The following PIGN variants were observed in gnomAD, a reference collection of about 807,000 sequenced individuals.
PIGN encodes phosphatidylinositol glycan anchor biosynthesis class N, also known as GPI ethanolamine phosphate transferase 1.
In PIGN, 117 loss-of-function variants were observed where a neutral mutation model predicts 125.4. The ratio of observed to expected loss-of-function variants is 0.93; its 90% confidence interval spans 0.80 to 1.09. PIGN has a LOEUF of 1.09. Among genes scored for constraint, PIGN ranks in the 50% least tolerant of loss-of-function variants. The pLI, the probability that PIGN is intolerant of heterozygous loss-of-function variation, is 0.00. For missense variants in PIGN, 1,075 were observed against 1,094.9 expected, an observed-to-expected ratio of 0.98 and a Z score of 0.26; for synonymous variants, 392 against 377.8, an observed-to-expected ratio of 1.04 and a Z score of -0.44.
intron 23 of PIGN, among the ~76,000 whole-genome samples, chr18:62,033,130 C>A (rs2030213528): frequency 6.6e-6 from 1 of 152,186 alleles, no homozygotes; most frequent in Non-Finnish European, 1.5e-5. Context: ...CTAGTGTCTG[C>A]CCCAGCTGGG....
At chr18:62,181,600 G>A (rs185219118) in intron 1 of PIGN, among the ~76,000 whole-genome samples, 3 of 152,166 alleles carry the variant, frequency 2.0e-5, no homozygotes, top group Admixed American at 6.5e-5. Flanking sequence ...TTTGTAGAGC[G>A]GGGGTCTTGC....
intron 11 of PIGN, among the ~76,000 whole-genome samples, chr18:62,142,096 A>G (rs1426577900): frequency 1.3e-5 from 2 of 152,330 alleles, no homozygotes; most frequent in South Asian, 2.1e-4. Context: ...TACCACAGCT[A>G]TAAGTTTACA....
intron 30 of PIGN, among the ~76,000 whole-genome samples, chr18:62,071,878 A>ATATATG (rs2032883580): frequency 1.2e-4 from 8 of 66,782 alleles, no homozygotes; most frequent in African/African-American, 6.8e-4. Flanking sequence ...ATATATATAT[A>ATATATG]TATATATATA....
chr18:62,157,907 C>A, intron 4 of PIGN, 99 bp from the exon 5 acceptor site: 3 of 1,181,082 alleles, frequency 2.5e-6, no homozygotes, highest in Non-Finnish European at 2.3e-6. Flanking sequence ...GAATCAAAAG[C>A]AAAAAACTTA....
chr18:62,120,583 A>G (rs557397953), intron 14 of PIGN, among the ~76,000 whole-genome samples: 1 of 152,058 alleles, frequency 6.6e-6, no homozygotes, highest in African/African-American at 2.4e-5. Context: ...ATATATAACA[A>G]TAACATCAAA....
chr18:62,101,198 G>A lies in PIGN; in HGVS notation c.1969-15C>T. 3.5e-6 allele frequency: 5 copies of A among 1,431,152 alleles called. No individual in the cohort carries two copies. The highest frequency in any genetic ancestry group is 1.2e-5 in the South Asian group (1 of 85,456). 88.7% of individuals were successfully genotyped at this position (1,431,152 alleles called of 1,614,324 possible). A position where few individuals can be genotyped will look rare whatever the true frequency, so the allele number is the denominator to read the frequency against. On this transcript the variant is annotated splice_polypyrimidine_tract_variant and intron_variant, in intron 21 of 30. Coordinates refer to ENST00000640252, the MANE Select transcript of PIGN (RefSeq NM_176787.5). Reference sequence around the variant, plus strand: ...GTGCTCAGCACCTAAAGACAAAGATGAAATAGGTTAAAAAAAGAGAAGGTA... The same window carrying A: ...GTGCTCAGCACCTAAAGACAAAGATAAAATAGGTTAAAAAAAGAGAAGGTA...
At chr18:62,096,525 T>TTC (rs2034201996) in intron 22 of PIGN, among the ~76,000 whole-genome samples, 1 of 136,144 alleles carries the variant, frequency 7.3e-6, no homozygotes, top group Non-Finnish European at 1.6e-5. Context: ...TCTTTTTTTT[T>TTC]TTTTTTTTTT....
rs757968173 is a variant in PIGN, at chr18:62,113,233, G to T, written c.1335C>A (p.Val445=). ...ATCCCACAAAACCAATAACAACATT[G>T]ACGCCCAAAAAGAATCTGTCATATG... is the stretch of plus-strand genomic sequence containing the variant. The part of the protein sequence containing the change: ...YHTYDRFFLG[V]NVVIGFVGWI... The change falls in exon 16 of 31, where the codon GTC becomes GTA. Residue 445 remains valine (V), a synonymous_variant. Coordinates refer to ENST00000640252, the MANE Select transcript of PIGN (RefSeq NM_176787.5). 5.0e-6 allele frequency: 8 copies of T among 1,612,788 alleles called. No individual in the cohort carries two copies. Among genetic ancestry groups the T allele is most frequent in the Non-Finnish European group, 6.8e-6 (8 of 1,179,272 alleles).
At chr18:62,137,618 C>G (rs62097166) in intron 14 of PIGN, 74,153 of 152,154 alleles carry the variant, frequency 0.49, 18,336 homozygotes, top group Middle Eastern at 0.55. Context: ...TGCATTTTTA[C>G]TAGAGACGGG....
intron 23 of PIGN, 115 bp from the exon 24 acceptor site, chr18:62,090,693 C>A: frequency 3.5e-6 from 2 of 577,840 alleles, no homozygotes; most frequent in Non-Finnish European, 6.1e-6. Context: ...ACTTCTAAGT[C>A]ACAATATTAC....
At chr18:62,034,603 A>C (rs889157844) in intron 23 of PIGN, among the ~76,000 whole-genome samples, 1 of 152,126 alleles carries the variant, frequency 6.6e-6, no homozygotes, top group African/African-American at 2.4e-5. Context: ...GAGTCAAAGG[A>C]GATTATTTTG....
At chr18:62,165,139 TG>T (rs2037085839) in intron 1 of PIGN, among the ~76,000 whole-genome samples, 2 of 152,174 alleles carry the variant, frequency 1.3e-5, no homozygotes, top group Admixed American at 1.3e-4. Flanking sequence ...ATTAGCTCTC[TG>T]GGAATGGATT....
intron 1 of PIGN, chr18:62,186,356 G>A (rs1342155881): frequency 6.6e-6 from 1 of 152,254 alleles, no homozygotes; most frequent in African/African-American, 2.4e-5. Flanking sequence ...GCGTGGAGCT[G>A]ATTTTATAAC....
intron 12 of PIGN, 113 bp from the exon 13 acceptor site, chr18:62,139,188 T>C (rs562995771): frequency 7.6e-6 from 4 of 528,798 alleles, no homozygotes; most frequent in Non-Finnish European, 1.4e-5. Flanking sequence ...AAATAAATAA[T>C]TGAAATAGTT....
At chr18:62,154,309 C>T in intron 7 of PIGN, 2 of 479,962 alleles carry the variant, frequency 4.2e-6, no homozygotes, top group South Asian at 8.9e-5. Flanking sequence ...AAACGAAAAA[C>T]AGGTTTCCTA....
At chr18:62,039,716 C>G (rs2030318393), downstream of PIGN, among the ~76,000 whole-genome samples, 1 of 95,674 alleles carries the variant, frequency 1.0e-5, no homozygotes, top group African/African-American at 3.3e-5. Context: ...GGGCCCCATC[C>G]AGGGTGCCGC....
downstream of PIGN, among the ~76,000 whole-genome samples, chr18:62,040,310 G>A (rs141310108): frequency 1.6e-3 from 241 of 152,036 alleles, 1 homozygote; most frequent in African/African-American, 5.4e-3. Context: ...CCCATCCAGG[G>A]TGCCGCACCC....
At chr18:62,109,432 G>A (rs574389238) in intron 17 of PIGN, among the ~76,000 whole-genome samples, 19 of 152,256 alleles carry the variant, frequency 1.2e-4, no homozygotes, top group African/African-American at 3.4e-4. Flanking sequence ...GAGTCAAAAT[G>A]TATGGAAATA....
At chr18:62,037,712 A>G (rs960901435), downstream of PIGN, among the ~76,000 whole-genome samples, 1 of 152,142 alleles carries the variant, frequency 6.6e-6, no homozygotes, top group Admixed American at 6.5e-5. Context: ...AAAACCACCT[A>G]TATATTTTTC....
Sources: allele counts gnomAD v4.1 joint callset (sites outside exome capture counted in the v4.1 genomes callset), GRCh38; gene constraint gnomAD v4.1.1; transcripts MANE v1.5; gene names NCBI Gene and HGNC (gene_info 2026-07-23, HGNC 2026-07-21).